L3MBTL4: variants seen among roughly 807,000 people sequenced by gnomAD.
The protein encoded by L3MBTL4 is lethal(3)malignant brain tumor-like protein 4.
A neutral mutation model predicts 84.5 loss-of-function variants in L3MBTL4; 70 were observed. The ratio of observed to expected loss-of-function variants is 0.83; its 90% CI spans 0.68 to 1.01. L3MBTL4 has a LOEUF of 1.01. Ranked by LOEUF, L3MBTL4 falls within the 50% of genes least tolerant of loss-of-function variation. The probability of loss-of-function intolerance (pLI) is 0.00; values close to 1 mark genes in which losing one functional copy is unlikely to be tolerated. For missense variants in L3MBTL4, 715 were observed against 754.8 expected, an observed-to-expected ratio of 0.95 and a Z score of 0.62; for synonymous variants, 274 against 259.8, an observed-to-expected ratio of 1.05 and a Z score of -0.52.
intron 1 of L3MBTL4, among the ~76,000 whole-genome samples, chr18:6,383,601 C>T (rs1265417355): frequency 5.9e-5 from 9 of 152,104 alleles, no homozygotes; most frequent in South Asian, 2.1e-4. Context: ...GGTGAGGCGA[C>T]GCCCTGCCCT....
chr18:6,214,869 C>T (rs2046259832), intron 11 of L3MBTL4, among the ~76,000 whole-genome samples: 1 of 152,138 alleles, frequency 6.6e-6, no homozygotes, highest in Non-Finnish European at 1.5e-5. Context: ...TCATTTTCCT[C>T]TTGGAAAAGT....
At chr18:6,061,301 G>A in intron 16 of L3MBTL4, among the ~76,000 whole-genome samples, 1 of 152,044 alleles carries the variant, frequency 6.6e-6, no homozygotes. Context: ...CTGCTGATAT[G>A]TCTGTTCAGA....
intron 14 of L3MBTL4, among the ~76,000 whole-genome samples, chr18:6,100,887 G>A (rs1003428228): frequency 7.2e-5 from 11 of 152,158 alleles, no homozygotes; most frequent in Admixed American, 7.2e-4. Context: ...ACTGGATGAG[G>A]GCGTAGGCCC....
chr18:6,148,645 A>G (rs2042755514), intron 13 of L3MBTL4, among the ~76,000 whole-genome samples: 1 of 152,090 alleles, frequency 6.6e-6, no homozygotes, highest in Non-Finnish European at 1.5e-5. Flanking sequence ...TGCCTAGGAC[A>G]GTCTTGACCT....
chr18:6,074,954 A>G (rs1231477097), intron 16 of L3MBTL4, among the ~76,000 whole-genome samples: 3 of 152,156 alleles, frequency 2.0e-5, no homozygotes, highest in Non-Finnish European at 2.9e-5. Context: ...ATTCAGGAAC[A>G]TATATAAAAA....
chr18:6,409,369 CG>C (rs1568620775), intron 1 of L3MBTL4, among the ~76,000 whole-genome samples: 1 of 152,124 alleles, frequency 6.6e-6, no homozygotes, highest in East Asian at 1.9e-4. Context: ...AAAGAAGGAA[CG>C]ATGAAAATTA....
intron 12 of L3MBTL4, among the ~76,000 whole-genome samples, chr18:6,205,588 AT>A (rs1369357368): frequency 1.3e-5 from 2 of 152,294 alleles, no homozygotes; most frequent in East Asian, 3.9e-4. Context: ...CTGGAAATAT[AT>A]TAATCTTGTA....
At chr18:6,162,639 GATGATTGGAT>G (rs1224152065) in intron 13 of L3MBTL4, among the ~76,000 whole-genome samples, 1 of 152,156 alleles carries the variant, frequency 6.6e-6, no homozygotes, top group Non-Finnish European at 1.5e-5. Flanking sequence ...CAGAATAAAA[GATGATTGGAT>G]GTGATTGTTT....
chr18:6,141,539 C>T (rs544422372), intron 13 of L3MBTL4, among the ~76,000 whole-genome samples: 69 of 152,302 alleles, frequency 4.5e-4, no homozygotes, highest in Admixed American at 1.9e-3. Flanking sequence ...CGTAGAGCAG[C>T]TCATCTCCGT....
intron 5 of L3MBTL4, chr18:6,259,285 CT>C (rs540360352): frequency 6.6e-6 from 1 of 152,272 alleles, no homozygotes; most frequent in Non-Finnish European, 1.5e-5. Context: ...TGATGGGCAC[CT>C]AGGTCAATTC....
chr18:6,203,994 C>A (rs1379486149), intron 12 of L3MBTL4, among the ~76,000 whole-genome samples: 1 of 152,154 alleles, frequency 6.6e-6, no homozygotes, highest in African/African-American at 2.4e-5. Context: ...GGTGTGTGCC[C>A]AGCCTGCCTC....
At chr18:6,302,724 C>T (rs1326952093) in intron 3 of L3MBTL4, among the ~76,000 whole-genome samples, 1 of 152,220 alleles carries the variant, frequency 6.6e-6, no homozygotes, top group Non-Finnish European at 1.5e-5. Context: ...GTGGCTCACA[C>T]CTGTAATCCC....
At chr18:6,219,322 A>G (rs1037467715) in intron 10 of L3MBTL4, among the ~76,000 whole-genome samples, 2 of 151,978 alleles carry the variant, frequency 1.3e-5, no homozygotes, top group Non-Finnish European at 2.9e-5. Context: ...CTGGAGGCCA[A>G]GGCATAGAAC....
chr18:6,074,051 A>G (rs1451690433), intron 16 of L3MBTL4, among the ~76,000 whole-genome samples: 1 of 150,988 alleles, frequency 6.6e-6, no homozygotes, highest in East Asian at 1.9e-4. Context: ...CTTTAATGTG[A>G]AGTGTTTTTT....
At chr18:6,066,298 C>T (rs1334549052) in intron 16 of L3MBTL4, among the ~76,000 whole-genome samples, 1 of 152,046 alleles carries the variant, frequency 6.6e-6, no homozygotes, top group African/African-American at 2.4e-5. Context: ...TTGGAGAATG[C>T]TCCATGTGCT....
rs544251272 is a variant in L3MBTL4, at chr18:6,154,170, G to C, written c.1097-15874C>G. 1.6e-4 allele frequency among the ~76,000 whole-genome samples: 25 copies of C among 152,218 alleles called. No homozygotes were observed. The South Asian group carries it at 4.4e-3, about 27-fold the overall frequency. On this transcript the variant is annotated intron_variant, in intron 13 of 18. Coordinates refer to ENST00000317931, the MANE Select transcript of L3MBTL4 (RefSeq NM_001330559.2). ...CTATCTGGATGATCTATCCACTGTT[G>C]AGAGTGGATACTGAAGTCCAATACT...
intron 5 of L3MBTL4, among the ~76,000 whole-genome samples, chr18:6,252,823 A>G (rs939439217): frequency 1.3e-5 from 2 of 152,282 alleles, no homozygotes; most frequent in Admixed American, 1.3e-4. Context: ...TAGAAGTAGA[A>G]GACGTTAAAA....
chr18:6,171,945 G>A lies in L3MBTL4; in HGVS notation c.982-3C>T. 6.9e-7 allele frequency: 1 copy of A among 1,442,848 alleles called. No individual in the cohort carries two copies. The highest frequency in any genetic ancestry group is 9.5e-7 in the Non-Finnish European group (1 of 1,053,950). The allele number at this position is 1,442,848 out of a possible 1,614,324, so 89.4% of individuals were successfully genotyped here. On this transcript the variant is annotated splice_polypyrimidine_tract_variant and splice_region_variant and intron_variant, in intron 12 of 18. Transcript: ENST00000317931. Reference sequence around the variant, plus strand: ...TGGTCCCAACCATCAAAATGAACCTGTTAAAACGAGTTTTGAATGATTAGC... The same window carrying A: ...TGGTCCCAACCATCAAAATGAACCTATTAAAACGAGTTTTGAATGATTAGC...
At chr18:6,312,705 C>T (rs1037184967) in intron 1 of L3MBTL4, among the ~76,000 whole-genome samples, 1 of 152,226 alleles carries the variant, frequency 6.6e-6, no homozygotes, top group African/African-American at 2.4e-5. Flanking sequence ...GAGTTTCCAT[C>T]ATTTCATCCT....
Sources: allele counts gnomAD v4.1 joint callset (sites outside exome capture counted in the v4.1 genomes callset), GRCh38; gene constraint gnomAD v4.1.1; transcripts MANE v1.5; gene names NCBI Gene and HGNC (gene_info 2026-07-23, HGNC 2026-07-21).